RIPK1: variants seen among roughly 807,000 people sequenced by gnomAD.
RIPK1 encodes receptor-interacting serine/threonine-protein kinase 1.
In RIPK1, 27 loss-of-function variants were observed where a neutral mutation model predicts 62.4. That is an observed-to-expected ratio of 0.43 (90% confidence interval 0.32 to 0.60). RIPK1 has a LOEUF of 0.60. Ranked by LOEUF, RIPK1 falls within the 20% of genes least tolerant of loss-of-function variation. The pLI is 0.07. For synonymous variants in RIPK1, 287 were observed against 303.2 expected, an observed-to-expected ratio of 0.95 and a Z score of 0.55; for missense variants, 735 against 831.0, an observed-to-expected ratio of 0.88 and a Z score of 1.42.
Position 3,104,240 on chromosome 6 carries a change from G to A in RIPK1, c.931G>A (p.Glu311Lys), listed in dbSNP as rs184895368. 1.4e-4 allele frequency: 225 copies of A among 1,579,746 alleles called. No individual in the cohort carries two copies. The highest frequency in any genetic ancestry group is 1.0e-3 in the Middle Eastern group (6 of 5,964). ...TTAATTATAGAAAGAGTATTCAAAC[G>A]AAAATGCAGTTGTGAAGAGAATGCA... The part of the protein sequence containing the change: ...VKSLKKEYSN[E>K]NAVVKRMQSL... The change falls in exon 8 of 11, where the codon GAA becomes AAA. Residue 311 changes from glutamate to lysine, a missense_variant. Glu to Lys is a moderately conservative substitution (Grantham distance 56, BLOSUM62 1). Transcript: ENST00000259808.
intron 7 of RIPK1, among the ~76,000 whole-genome samples, chr6:3,096,007 T>G (rs1186528150): frequency 2.0e-5 from 3 of 152,108 alleles, no homozygotes; most frequent in Admixed American, 2.0e-4. Context: ...CCTGGCTAAT[T>G]TGTATTTTTT....
intron 6 of RIPK1, among the ~76,000 whole-genome samples, chr6:3,086,553 C>G (rs1398672902): frequency 6.6e-6 from 1 of 152,188 alleles, no homozygotes. Context: ...TCACATAACT[C>G]AAGAAAACAT....
intron 7 of RIPK1, among the ~76,000 whole-genome samples, chr6:3,101,372 T>C (rs1207388216): frequency 1.3e-5 from 2 of 152,252 alleles, no homozygotes; most frequent in East Asian, 3.8e-4. Flanking sequence ...GGAGGATTGC[T>C]TGAGCCCAGG....
rs375750553 is a variant in RIPK1, at chr6:3,076,894, A to T, written c.71A>T (p.Asp24Val). Reference protein sequence around the residue: ...SSDFLESAELDSGGFGKVSLC... With the variant: ...SSDFLESAELVSGGFGKVSLC... Reference sequence around the variant, plus strand: ...GACTTCCTGGAGAGTGCAGAACTGGACAGCGGAGGCTTTGGGAAGGTGTCT... The same window carrying T: ...GACTTCCTGGAGAGTGCAGAACTGGTCAGCGGAGGCTTTGGGAAGGTGTCT... The change falls in exon 2 of 11, where the codon GAC becomes GTC. Residue 24 changes from aspartate (D) to valine (V), a missense_variant. By Grantham distance (152) the Asp-to-Val change is radical (BLOSUM62 -3). Coordinates refer to ENST00000259808, the MANE Select transcript of RIPK1 (RefSeq NM_001354930.2). 2.5e-6 allele frequency: 4 copies of T among 1,611,340 alleles called. No homozygotes were observed. Among genetic ancestry groups the T allele is most frequent in the Non-Finnish European group, 3.4e-6 (4 of 1,178,040 alleles).
intron 6 of RIPK1, among the ~76,000 whole-genome samples, chr6:3,085,693 A>G (rs1024932088): frequency 1.2e-4 from 18 of 152,218 alleles, no homozygotes; most frequent in Admixed American, 3.3e-4. Context: ...ACTGTTTTCA[A>G]GTGCACTGTT....
At chr6:3,073,120 G>C (rs533798274) in intron 1 of RIPK1, among the ~76,000 whole-genome samples, 1 of 151,698 alleles carries the variant, frequency 6.6e-6, no homozygotes, top group South Asian at 2.1e-4. Flanking sequence ...ACATATATAC[G>C]CATATACAAA....
chr6:3,107,562 CAAAAAAAAAAA>C (rs60843872), intron 9 of RIPK1, among the ~76,000 whole-genome samples: 1 of 46,322 alleles, frequency 2.2e-5, no homozygotes, highest in Non-Finnish European at 5.0e-5. Flanking sequence ...GAGACTGTCG[CAAAAAAAAAAA>C]AAAAAAAAAA....
upstream of RIPK1, chr6:3,068,479 G>A (rs987633486): frequency 3.0e-6 from 3 of 985,244 alleles, no homozygotes; most frequent in Non-Finnish European, 3.6e-6. Flanking sequence ...GGCAGGGGGA[G>A]GAGGCAGCGC....
upstream of RIPK1, chr6:3,068,249 C>T: frequency 3.0e-6 from 3 of 985,552 alleles, no homozygotes; most frequent in Non-Finnish European, 2.4e-6. Flanking sequence ...CCGGATAGCG[C>T]CCCCGCTGTA....
intron 7 of RIPK1, among the ~76,000 whole-genome samples, chr6:3,090,916 C>A (rs1186520945): frequency 8.3e-4 from 21 of 25,256 alleles, no homozygotes; most frequent in African/African-American, 3.8e-3. Flanking sequence ...GTAACCGCAG[C>A]GCGCCTACCT....
chr6:3,080,921 T>A (rs1480207116), intron 3 of RIPK1, 58 bp from the exon 4 acceptor site: 1 of 1,549,950 alleles, frequency 6.5e-7, no homozygotes, highest in African/African-American at 1.4e-5. Flanking sequence ...CATGAAACAG[T>A]TGCTTTGGCC....
chr6:3,071,152 C>G (rs1758690477), intron 1 of RIPK1, among the ~76,000 whole-genome samples: 1 of 152,174 alleles, frequency 6.6e-6, no homozygotes, highest in Non-Finnish European at 1.5e-5. Flanking sequence ...TGGAGAAATC[C>G]TCTGGTCACT....
chr6:3,110,781 C>T, intron 9 of RIPK1, 22 bp from the exon 10 acceptor site: 2 of 1,479,804 alleles, frequency 1.4e-6, no homozygotes, highest in Non-Finnish European at 9.3e-7. Flanking sequence ...AATTACTTAC[C>T]TGTGTGTTTC....
intron 3 of RIPK1, among the ~76,000 whole-genome samples, chr6:3,080,518 A>C (rs1759319907): frequency 1.3e-5 from 2 of 152,036 alleles, no homozygotes; most frequent in East Asian, 3.8e-4. Flanking sequence ...TTTTTCTCTT[A>C]ATGTTATTTT....
intron 9 of RIPK1, among the ~76,000 whole-genome samples, chr6:3,109,942 G>A (rs1316701898): frequency 6.6e-6 from 1 of 152,164 alleles, no homozygotes; most frequent in Non-Finnish European, 1.5e-5. Context: ...CTTCATGCAT[G>A]TTGTAGCATG....
intron 5 of RIPK1, among the ~76,000 whole-genome samples, chr6:3,084,292 C>G (rs1322589886): frequency 1.3e-5 from 2 of 152,186 alleles, no homozygotes; most frequent in African/African-American, 2.4e-5. Flanking sequence ...CTGTGGTCTT[C>G]AGGATGAAGT....
chr6:3,103,665 TTTTG>T (rs1458380215), intron 7 of RIPK1, among the ~76,000 whole-genome samples: 1 of 152,236 alleles, frequency 6.6e-6, no homozygotes, highest in Admixed American at 6.5e-5. Context: ...TACTCTTTAC[TTTTG>T]TTTGTGCTTT....
intron 4 of RIPK1, 118 bp downstream of exon 4, chr6:3,081,234 G>A (rs1561752574): frequency 1.7e-6 from 2 of 1,152,042 alleles, no homozygotes; most frequent in Non-Finnish European, 1.2e-6. Context: ...GCTTATAACT[G>A]TTGATGATGG....
rs181410041 is a variant in RIPK1, at chr6:3,090,763, C to T, written c.915+1106C>T. 9.7e-3 allele frequency among the ~76,000 whole-genome samples: 1,449 copies of T among 150,132 alleles called. 22 individuals are homozygous for T. Among genetic ancestry groups the T allele is most frequent in the South Asian group, 0.016 (74 of 4,738 alleles). On this transcript the variant is annotated intron_variant, in intron 7 of 10. Transcript: ENST00000259808. ...TACGCTGCACCTAATAACCGCAGCG[C>T]ACCTACCTGCCGCACCTAGTAACCG... is the stretch of plus-strand genomic sequence containing the variant.
Sources: allele counts gnomAD v4.1 joint callset (sites outside exome capture counted in the v4.1 genomes callset), GRCh38; gene constraint gnomAD v4.1.1; transcripts MANE v1.5; gene names NCBI Gene and HGNC (gene_info 2026-07-23, HGNC 2026-07-21).